The following PCDH15 variants were observed in gnomAD, a reference collection of about 807,000 sequenced individuals.
The protein encoded by PCDH15 is protocadherin-15.
Under a neutral mutation model 178.5 loss-of-function variants are expected in PCDH15, and 129 were observed. The observed-to-expected ratio is 0.72, with a 90% CI of 0.63 to 0.84. The LOEUF is 0.84. Among genes scored for constraint, PCDH15 ranks in the 40% least tolerant of loss-of-function variants. The probability of loss-of-function intolerance (pLI) is 0.00; values close to 1 mark genes in which losing one functional copy is unlikely to be tolerated. For missense variants in PCDH15, 2,230 were observed against 2,099.9 expected, an observed-to-expected ratio of 1.06 and a Z score of -1.21; for synonymous variants, 800 against 732.0, an observed-to-expected ratio of 1.09 and a Z score of -1.50.
intron 1 of PCDH15, among the ~76,000 whole-genome samples, chr10:55,304,529 A>G (rs1037766920): frequency 1.3e-5 from 2 of 152,346 alleles, no homozygotes; most frequent in South Asian, 2.1e-4. Flanking sequence ...TGAAATAAGG[A>G]AAAGTGCATC....
intron 2 of PCDH15, among the ~76,000 whole-genome samples, chr10:55,069,727 G>A (rs1419371343): frequency 2.4e-4 from 34 of 142,930 alleles, no homozygotes; most frequent in South Asian, 1.4e-3. Context: ...GAATAGTGCC[G>A]CAATAAACAT....
chr10:54,987,650 G>A (rs771022253), intron 2 of PCDH15, among the ~76,000 whole-genome samples: 13 of 150,180 alleles, frequency 8.7e-5, no homozygotes, highest in South Asian at 8.4e-4. Flanking sequence ...TTTTTTGGCC[G>A]CATAAATGTC....
intron 1 of PCDH15, among the ~76,000 whole-genome samples, chr10:55,189,793 T>A (rs61520496): frequency 2.6e-5 from 4 of 151,804 alleles, no homozygotes; most frequent in Non-Finnish European, 5.9e-5. Flanking sequence ...TTGGGGTAAA[T>A]GGAGTTCTTA....
At chr10:54,199,564 C>CAAT (rs1376777913) in intron 10 of PCDH15, among the ~76,000 whole-genome samples, 1,793 of 79,220 alleles carry the variant, frequency 0.023, 36 homozygotes, top group African/African-American at 0.063. Flanking sequence ...TAAACAACAA[C>CAAT]AACAACAATA....
chr10:54,290,364 C>T (rs2059319836), intron 8 of PCDH15, among the ~76,000 whole-genome samples: 1 of 152,124 alleles, frequency 6.6e-6, no homozygotes, highest in African/African-American at 2.4e-5. Flanking sequence ...TTGTCACCAC[C>T]AGGCCTGCCT....
chr10:55,280,038 A>G (rs1243831154), intron 1 of PCDH15, among the ~76,000 whole-genome samples: 1 of 152,052 alleles, frequency 6.6e-6, no homozygotes, highest in Non-Finnish European at 1.5e-5. Context: ...ATTGCTAGAC[A>G]TTTATTTTCC....
intron 2 of PCDH15, among the ~76,000 whole-genome samples, chr10:55,443,163 A>G (rs1477727058): frequency 6.6e-6 from 1 of 152,066 alleles, no homozygotes; most frequent in Admixed American, 6.6e-5. Flanking sequence ...AGATTTAAAC[A>G]TAAGACCTAA....
chr10:55,229,484 G>A (rs563321248), intron 1 of PCDH15, among the ~76,000 whole-genome samples: 19 of 151,524 alleles, frequency 1.3e-4, no homozygotes, highest in Admixed American at 3.3e-4. Flanking sequence ...CAAATTTCTC[G>A]GTATGTATAT....
intron 1 of PCDH15, among the ~76,000 whole-genome samples, chr10:55,212,543 C>T (rs1412214450): frequency 1.3e-5 from 2 of 151,988 alleles, no homozygotes; most frequent in East Asian, 1.9e-4. Context: ...TCCCTATAAT[C>T]AGGAATGATA....
At chr10:54,493,144 G>A (rs1464223533) in intron 3 of PCDH15, among the ~76,000 whole-genome samples, 2 of 152,132 alleles carry the variant, frequency 1.3e-5, no homozygotes, top group South Asian at 2.1e-4. Context: ...TTCAAGATGA[G>A]ATTTAGGTGG....
chr10:54,890,706 A>G (rs956104138), intron 3 of PCDH15, among the ~76,000 whole-genome samples: 22 of 152,012 alleles, frequency 1.4e-4, no homozygotes, highest in Non-Finnish European at 2.8e-4. Flanking sequence ...ATTTGTCTTT[A>G]TCCATCAAAA....
intron 1 of PCDH15, among the ~76,000 whole-genome samples, chr10:54,679,900 T>G (rs907401428): frequency 2.0e-5 from 3 of 152,330 alleles, no homozygotes; most frequent in African/African-American, 7.2e-5. Flanking sequence ...TGGGTATAAT[T>G]TTAATTCTTG....
chr10:53,978,680 GCAT>G (rs2090389249), intron 21 of PCDH15, among the ~76,000 whole-genome samples: 1 of 138,530 alleles, frequency 7.2e-6, no homozygotes, highest in Non-Finnish European at 1.5e-5. Context: ...TTTTTCTACT[GCAT>G]CATCAGGCTG....
At chr10:53,970,597 T>C (rs186976764) in intron 21 of PCDH15, among the ~76,000 whole-genome samples, 224 of 151,796 alleles carry the variant, frequency 1.5e-3, no homozygotes, top group African/African-American at 4.9e-3. Flanking sequence ...TAAAAAATGA[T>C]AAAGGGGATA....
chr10:54,330,909 G>T (rs1462247647), intron 6 of PCDH15, among the ~76,000 whole-genome samples: 2 of 151,746 alleles, frequency 1.3e-5, no homozygotes, highest in Middle Eastern at 3.2e-3. Context: ...GTGTATTTGT[G>T]CTTGTGATTT....
intron 15 of PCDH15, among the ~76,000 whole-genome samples, chr10:54,115,426 C>T (rs566475709): frequency 3.9e-5 from 6 of 152,302 alleles, no homozygotes; most frequent in South Asian, 2.1e-4. Context: ...CAAGGAATGA[C>T]GGGATTATTC....
intron 16 of PCDH15, among the ~76,000 whole-genome samples, chr10:54,089,283 C>A (rs1270472966): frequency 6.6e-6 from 1 of 152,136 alleles, no homozygotes; most frequent in Non-Finnish European, 1.5e-5. Flanking sequence ...CATTTCTATT[C>A]CTTCTGAAAG....
At chr10:55,207,253 G>T (rs994726574) in intron 1 of PCDH15, among the ~76,000 whole-genome samples, 2 of 151,960 alleles carry the variant, frequency 1.3e-5, no homozygotes, top group African/African-American at 4.8e-5. Flanking sequence ...TATCAATATG[G>T]AACTTGTATG....
chr10:53,879,136 G>A (rs918327125), intron 26 of PCDH15, among the ~76,000 whole-genome samples: 2 of 150,726 alleles, frequency 1.3e-5, no homozygotes, highest in Non-Finnish European at 2.9e-5. Context: ...ACACTTAAAC[G>A]TACCTTTCAC....
Sources: allele counts gnomAD v4.1 joint callset (sites outside exome capture counted in the v4.1 genomes callset), GRCh38; gene constraint gnomAD v4.1.1; transcripts MANE v1.5; gene names NCBI Gene and HGNC (gene_info 2026-07-23, HGNC 2026-07-21).